The following PTDSS2 variants were observed in gnomAD, a reference collection of about 807,000 sequenced individuals.
PTDSS2 encodes the protein PSS-2.
A neutral mutation model predicts 64.7 loss-of-function variants in PTDSS2; 41 were observed. The observed-to-expected ratio is 0.63, with a 90% CI of 0.49 to 0.82. PTDSS2 has a LOEUF of 0.82. Ranked by LOEUF, PTDSS2 falls within the 40% of genes least tolerant of loss-of-function variation. The pLI, the probability that PTDSS2 is intolerant of heterozygous loss-of-function variation, is 0.00. For synonymous variants in PTDSS2, 297 were observed against 277.8 expected, an observed-to-expected ratio of 1.07 and a Z score of -0.69; for missense variants, 485 against 650.0, an observed-to-expected ratio of 0.75 and a Z score of 2.76.
chr11:450,427 C>G lies in PTDSS2; in HGVS notation c.-29C>G. 3 of 1,222,296 alleles carry G rather than the reference C, an allele frequency of 2.5e-6. No homozygotes were observed. Among genetic ancestry groups the G allele is most frequent in the Non-Finnish European group, 3.1e-6 (3 of 981,132 alleles). The allele number at this position is 1,222,296 out of a possible 1,614,324, so 75.7% of individuals were successfully genotyped here. A position where few individuals can be genotyped will look rare whatever the true frequency, so the allele number is the denominator to read the frequency against. On this transcript the variant is annotated 5_prime_UTR_variant, in exon 1 of 12. Transcript: ENST00000308020. ...CCCGGTGTGCGTGGGGTCGAGGCGC[C>G]GGGCGGAGTGGCTCCGGGCCGAAAC...
intron 1 of PTDSS2, among the ~76,000 whole-genome samples, chr11:457,417 C>T (rs1321249494): frequency 3.3e-5 from 5 of 152,230 alleles, no homozygotes; most frequent in Admixed American, 6.5e-5. Flanking sequence ...GCGTCTGTAG[C>T]GTGTTTTTCT....
chr11:477,491 A>G (rs1847860943), intron 3 of PTDSS2, among the ~76,000 whole-genome samples: 1 of 152,130 alleles, frequency 6.6e-6, no homozygotes, highest in South Asian at 2.1e-4. Context: ...CCTGCTGGGT[A>G]TTCCGGGGCG....
intron 4 of PTDSS2, chr11:480,184 C>T (rs1333365604): frequency 6.5e-6 from 1 of 153,656 alleles, no homozygotes; most frequent in Admixed American, 6.6e-5. Flanking sequence ...GAGGTTCACC[C>T]AGGATCATGC....
rs534057809 is a variant in PTDSS2 at position 479,570 on chromosome 11, T to A, written c.435+418T>A. 7.8e-5 allele frequency: 18 copies of A among 232,116 alleles called. No individual in the cohort carries two copies. Among genetic ancestry groups the A allele is most frequent in the Admixed American group, 1.6e-4 (3 of 19,006 alleles). 14.4% of individuals were successfully genotyped at this position (232,116 alleles called of 1,614,324 possible). On this transcript the variant is annotated intron_variant, in intron 4 of 11. Coordinates refer to ENST00000308020, the MANE Select transcript of PTDSS2 (RefSeq NM_030783.3). This position sits in a 1 kb window ranked among gnomAD's most constrained non-coding sequence, Gnocchi z 4.2. ...GACTGGGCGTGAAGGGAGCCGCAAG[T>A]CAGGTCCTGCGATGCAGGCCAGCGT...
rs370807497 is a variant in PTDSS2, at chr11:459,564, C to T, written c.183-623C>T. On this transcript the variant is annotated intron_variant, in intron 1 of 11. Coordinates refer to ENST00000308020, the MANE Select transcript of PTDSS2 (RefSeq NM_030783.3). The stretch of plus-strand genomic sequence containing the variant: ...AGGCAGTGGCTGGGGTCTGGTGGCC[C>T]CCAGTTCTGATACTAGGCTGGTTGT... The T allele has an allele frequency of 7.2e-4, 110 of 153,042 alleles. 2 individuals carry two copies. In the South Asian group the frequency reaches 0.022, roughly 30 times the overall value. The allele number at this position is 153,042 out of a possible 1,614,324, so 9.5% of individuals were successfully genotyped here. A position where few individuals can be genotyped will look rare whatever the true frequency, so the allele number is the denominator to read the frequency against.
intron 1 of PTDSS2, among the ~76,000 whole-genome samples, chr11:454,794 GAAAA>G (rs921157484): frequency 6.6e-6 from 1 of 151,980 alleles, no homozygotes; most frequent in Non-Finnish European, 1.5e-5. Context: ...ATCTCAAAAA[GAAAA>G]AAAGAAGTCA....
At chr11:473,616 G>A (rs1847582379) in intron 2 of PTDSS2, among the ~76,000 whole-genome samples, 1 of 152,148 alleles carries the variant, frequency 6.6e-6, no homozygotes, top group South Asian at 2.1e-4. Flanking sequence ...CGCGGAGGAG[G>A]CAAATGTGAG....
At chr11:449,371 C>G (rs1314368194), upstream of PTDSS2, among the ~76,000 whole-genome samples, 1 of 152,190 alleles carries the variant, frequency 6.6e-6, no homozygotes, top group Non-Finnish European at 1.5e-5. Flanking sequence ...CCCGGCCTGC[C>G]TAGCATAATG....
At chr11:486,805 G>A (rs1564994198) in intron 4 of PTDSS2, 134 bp from the exon 5 acceptor site, 11 of 1,185,352 alleles carry the variant, frequency 9.3e-6, no homozygotes, top group East Asian at 5.5e-5. Flanking sequence ...CCCAGTTCAC[G>A]CCACTGCATT....
rs886502490 is a variant in PTDSS2, at chr11:462,072, C to G, written c.284+1784C>G. ...AAGTGTCCCACATGGCAAGAATTGT[C>G]AAGAGCAGGAGTGCAGGGGGTGTCT... On this transcript the variant is annotated intron_variant, in intron 2 of 11. Transcript: ENST00000308020. The surrounding 1 kb of genome is among the most constrained non-coding windows in gnomAD (Gnocchi z 4.5). Among the ~76,000 whole-genome samples the G allele has an allele frequency of 1.3e-5, 2 of 152,140 alleles. No homozygotes were observed. Among genetic ancestry groups the G allele is most frequent in the African/African-American group, 2.4e-5 (1 of 41,434 alleles).
At chr11:480,870 C>T (rs111265999) in intron 4 of PTDSS2, among the ~76,000 whole-genome samples, 34,250 of 152,078 alleles carry the variant, frequency 0.23, 4,215 homozygotes, top group African/African-American at 0.33. Flanking sequence ...ATCACAAGGT[C>T]AGGAGATGGA....
chr11:474,422 G>A, intron 3 of PTDSS2, among the ~76,000 whole-genome samples: 1 of 149,498 alleles, frequency 6.7e-6, no homozygotes, highest in Admixed American at 6.6e-5. Context: ...GGGGCTGTGA[G>A]GCCATGGGCG....
chr11:463,904 T>C (rs923874880), intron 2 of PTDSS2: 5 of 152,084 alleles, frequency 3.3e-5, no homozygotes, highest in African/African-American at 1.2e-4. Flanking sequence ...ATAAAACTAG[T>C]GTGTCTTTAT....
Position 460,448 on chromosome 11 carries a change from C to T in PTDSS2, c.284+160C>T, listed in dbSNP as rs1846824557. The T allele has an allele frequency of 1.3e-5, 8 of 608,596 alleles. No individual in the cohort carries two copies. Among genetic ancestry groups the T allele is most frequent in the South Asian group, 1.2e-4 (6 of 50,958 alleles). The allele number at this position is 608,596 out of a possible 1,614,324, so 37.7% of individuals were successfully genotyped here. ...CTTGAGTGTGTCTGATGTGCAGACT[C>T]CAGGGCTGCCCTTGGTGCTGCGTGG... On this transcript the variant is annotated intron_variant, in intron 2 of 11. Transcript: ENST00000308020. This position sits in a 1 kb window ranked among gnomAD's most constrained non-coding sequence, Gnocchi z 5.8.
At chr11:450,757 C>CG (rs890058192) in intron 1 of PTDSS2, 120 bp downstream of exon 1, 36 of 941,278 alleles carry the variant, frequency 3.8e-5, no homozygotes, top group Middle Eastern at 3.8e-4. Flanking sequence ...GGACTGTGGC[C>CG]GGGGGTTTGA....
Position 490,434 on chromosome 11 carries a change from G to A in PTDSS2, c.1316G>A (p.Arg439Lys), listed in dbSNP as rs2133847946. The change falls in exon 12 of 12, where the codon AGG (arginine) becomes AAG (lysine). Residue 439 changes from arginine to lysine, a missense_variant. Coordinates refer to ENST00000308020, the MANE Select transcript of PTDSS2 (RefSeq NM_030783.3). ...CCGCTCCCCAGGGACATCACATTGA[G>A]GTACAAGGAGACCCGGTGGCAGAAG... ...WRFFLRDITL[R>K]YKETRWQKWQ... The A allele has an allele frequency of 2.5e-6, 4 of 1,613,256 alleles. No homozygotes were observed. In the African/African-American group the frequency reaches 4.0e-5, roughly 16 times the overall value.
At chr11:464,709 G>A (rs1847063987) in intron 2 of PTDSS2, among the ~76,000 whole-genome samples, 1 of 152,240 alleles carries the variant, frequency 6.6e-6, no homozygotes, top group African/African-American at 2.4e-5. Context: ...CTGTATGGGG[G>A]TGACCCTGGG....
At position 460,450 on chromosome 11, in the gene PTDSS2, A is replaced by G. The variant is rs2133769143; in HGVS notation, c.284+162A>G. Reference sequence around the variant, plus strand: ...TGAGTGTGTCTGATGTGCAGACTCCAGGGCTGCCCTTGGTGCTGCGTGGCG... The same window carrying G: ...TGAGTGTGTCTGATGTGCAGACTCCGGGGCTGCCCTTGGTGCTGCGTGGCG... On this transcript the variant is annotated intron_variant, in intron 2 of 11. Transcript: ENST00000308020. The surrounding 1 kb of genome is among the most constrained non-coding windows in gnomAD (Gnocchi z 5.8). The G allele has an allele frequency of 1.6e-6, 1 of 608,878 alleles. No individual in the cohort carries two copies. The highest frequency in any genetic ancestry group is 2.9e-6 in the Non-Finnish European group (1 of 340,224). The allele number at this position is 608,878 out of a possible 1,614,324, so 37.7% of individuals were successfully genotyped here. A position where few individuals can be genotyped will look rare whatever the true frequency, so the allele number is the denominator to read the frequency against.
intron 4 of PTDSS2, among the ~76,000 whole-genome samples, chr11:486,516 C>A (rs1175639547): frequency 1.3e-5 from 2 of 152,160 alleles, no homozygotes; most frequent in East Asian, 3.9e-4. Context: ...AGGGCGCTGC[C>A]CTCCTCCAGG....
Sources: allele counts gnomAD v4.1 joint callset (sites outside exome capture counted in the v4.1 genomes callset), GRCh38; gene constraint gnomAD v4.1.1; non-coding constraint Gnocchi (gnomAD v3.1); transcripts MANE v1.5; gene names NCBI Gene and HGNC (gene_info 2026-07-23, HGNC 2026-07-21).